Variants in MAGI1 observed in about 807,000 individuals in gnomAD.
The protein encoded by MAGI1 is membrane-associated guanylate kinase, WW and PDZ domain-containing protein 1.
In MAGI1, 58 loss-of-function variants were observed where a neutral mutation model predicts 139.9. That is an observed-to-expected ratio of 0.41 (90% CI 0.34 to 0.52). The LOEUF (loss-of-function observed/expected upper bound fraction) is 0.52. Ranked by LOEUF, MAGI1 falls within the 20% of genes least tolerant of loss-of-function variation. The pLI is 0.12. For missense variants in MAGI1, 1,874 were observed against 1,901.6 expected (o/e 0.99, Z 0.27); for synonymous variants, 812 against 737.9 (o/e 1.10, Z -1.63).
chr3:65,960,075 G>A (rs2064349904), intron 1 of MAGI1, among the ~76,000 whole-genome samples: 1 of 152,078 alleles, frequency 6.6e-6, no homozygotes, highest in East Asian at 1.9e-4. Context: ...CCAAAGAGTT[G>A]AGATTACAGG....
intron 1 of MAGI1, among the ~76,000 whole-genome samples, chr3:65,630,525 T>C (rs2084233895): frequency 6.6e-6 from 1 of 152,128 alleles, no homozygotes; most frequent in Non-Finnish European, 1.5e-5. Context: ...CACCATGGAA[T>C]ACTACTCAGC....
intron 1 of MAGI1, among the ~76,000 whole-genome samples, chr3:65,831,195 C>T (rs1438183295): frequency 6.6e-6 from 1 of 152,210 alleles, no homozygotes; most frequent in Non-Finnish European, 1.5e-5. Context: ...TACTCTGCAA[C>T]TTGCCACTGA....
chr3:65,972,283 A>G (rs1485414739), intron 1 of MAGI1, among the ~76,000 whole-genome samples: 1 of 152,234 alleles, frequency 6.6e-6, no homozygotes, highest in African/African-American at 2.4e-5. Flanking sequence ...TCAAATTGTT[A>G]ACTATTGCGA....
At chr3:65,848,724 C>T (rs2059094971) in intron 1 of MAGI1, among the ~76,000 whole-genome samples, 1 of 152,000 alleles carries the variant, frequency 6.6e-6, no homozygotes, top group Non-Finnish European at 1.5e-5. Flanking sequence ...GAGTTTGAGC[C>T]CAGTCACCTG....
At position 65,912,284 on chromosome 3, in the gene MAGI1, T is replaced by C. The variant is rs566701305; in HGVS notation, c.313+125712A>G. On this transcript the variant is annotated intron_variant, in intron 1 of 22. Transcript: ENST00000402939. ...TGCTTCCTAAATCATACACATCGTGTTCTCGCACTGTAGAATTTCTCTCTA... is the reference window on the plus strand; with the variant it reads ...TGCTTCCTAAATCATACACATCGTGCTCTCGCACTGTAGAATTTCTCTCTA... Among the ~76,000 whole-genome samples the C allele has an allele frequency of 3.3e-5, 5 of 151,128 alleles. No individual in the cohort carries two copies. The East Asian group carries it at 9.7e-4, about 29-fold the overall frequency.
chr3:65,395,925 G>A (rs1051183693), intron 13 of MAGI1, among the ~76,000 whole-genome samples: 1 of 152,036 alleles, frequency 6.6e-6, no homozygotes, highest in Non-Finnish European at 1.5e-5. Context: ...AATGCGGAGA[G>A]GCCAGTCAGG....
chr3:65,614,249 G>A (rs530436569), intron 2 of MAGI1, among the ~76,000 whole-genome samples: 1 of 152,310 alleles, frequency 6.6e-6, no homozygotes, highest in Admixed American at 6.5e-5. Flanking sequence ...GCCTGAAGGT[G>A]CTGGAAGGGC....
At chr3:65,942,758 C>T (rs1364598360) in intron 1 of MAGI1, among the ~76,000 whole-genome samples, 2 of 152,154 alleles carry the variant, frequency 1.3e-5, no homozygotes, top group Admixed American at 6.5e-5. Flanking sequence ...TGGCTCACCC[C>T]TATAATCCCT....
In MAGI1 at chr3:65,493,516, A is replaced by G; in HGVS notation, c.546T>C (p.Tyr182=). The stretch of plus-strand genomic sequence containing the variant: ...GCTGTCGTACAAGTAACTCACCTTC[A>G]TAGGTGCCGACTTCCAGAAGAGTCC... ...QSGTLLEVGT[Y]EGNYYGTPKP... Residue 182 remains tyrosine, a synonymous_variant, in exon 3 of 23, where the codon TAT becomes TAC. Coordinates refer to ENST00000402939, the MANE Select transcript of MAGI1 (RefSeq NM_001033057.2). 1.9e-6 allele frequency: 3 copies of G among 1,614,146 alleles called. No individual in the cohort carries two copies. The highest frequency in any genetic ancestry group is 2.5e-6 in the Non-Finnish European group (3 of 1,180,026).
intron 4 of MAGI1, among the ~76,000 whole-genome samples, chr3:65,474,440 T>C (rs1399910864): frequency 6.6e-6 from 1 of 152,168 alleles, no homozygotes; most frequent in Non-Finnish European, 1.5e-5. Context: ...GTGTAACAGG[T>C]ACACAGTCCT....
chr3:65,800,894 C>T (rs956439495), intron 1 of MAGI1, among the ~76,000 whole-genome samples: 1 of 151,992 alleles, frequency 6.6e-6, no homozygotes, highest in African/African-American at 2.4e-5. Flanking sequence ...TTGTGGTTTT[C>T]GCCATTAAAA....
chr3:65,409,093 G>A (rs147212717), intron 12 of MAGI1, among the ~76,000 whole-genome samples: 1 of 152,332 alleles, frequency 6.6e-6, no homozygotes, highest in African/African-American at 2.4e-5. Flanking sequence ...AAGAGCTGAA[G>A]TATGAGAAGG....
intron 1 of MAGI1, among the ~76,000 whole-genome samples, chr3:65,674,329 C>A (rs1228486624): frequency 1.3e-5 from 2 of 152,154 alleles, no homozygotes; most frequent in Non-Finnish European, 2.9e-5. Context: ...GGTTAAGATT[C>A]TTGCCAAAGC....
At chr3:65,780,916 G>C (rs2038878488) in intron 1 of MAGI1, among the ~76,000 whole-genome samples, 1 of 152,186 alleles carries the variant, frequency 6.6e-6, no homozygotes, top group African/African-American at 2.4e-5. Flanking sequence ...TTTGCATATT[G>C]TATTTTTTAA....
rs528512644 is a variant in MAGI1, at chr3:65,763,758, A to T, written c.314-141670T>A. Among the ~76,000 whole-genome samples, 387 of 152,062 alleles carry T rather than the reference A, an allele frequency of 2.5e-3. 1 individual carries two copies. The highest frequency in any genetic ancestry group is 8.7e-3 in the African/African-American group (361 of 41,526). On this transcript the variant is annotated intron_variant, in intron 1 of 22. Transcript: ENST00000402939. ...CATATCGCACAAGTGCTTTTAAAAA[A>T]AAAAAAGAAATAAATAAAAGAAAAT... is the stretch of plus-strand genomic sequence containing the variant.
In MAGI1 at chr3:65,646,640, G is replaced by A. The variant is rs116433301; in HGVS notation, c.314-24552C>T. On this transcript the variant is annotated intron_variant, in intron 1 of 22. Transcript: ENST00000402939. ...CACAGAACATATACCAAGATTGACC[G>A]TGTTGTGTATGATAAAACAAATCTC... Among the ~76,000 whole-genome samples the A allele has an allele frequency of 4.0e-3, 607 of 152,084 alleles. 6 individuals carry two copies. Among genetic ancestry groups the A allele is most frequent in the African/African-American group, 0.014 (561 of 41,528 alleles).
At chr3:65,804,319 G>C (rs1417561268) in intron 1 of MAGI1, among the ~76,000 whole-genome samples, 1 of 150,938 alleles carries the variant, frequency 6.6e-6, no homozygotes, top group East Asian at 1.9e-4. Context: ...CATTAAGAGA[G>C]GGGAGAGATT....
chr3:65,359,677 C>T lies in MAGI1; in HGVS notation c.3634+1522G>A, dbSNP rs140372811. On this transcript the variant is annotated intron_variant, in intron 22 of 22. Coordinates refer to ENST00000402939, the MANE Select transcript of MAGI1 (RefSeq NM_001033057.2). ...ATCAATGGAATTAGAGAGATTTAGT[C>T]CAAGTGACGCATGGAGACATTACAG... The T allele has an allele frequency of 6.8e-4, 674 of 987,920 alleles. 2 individuals are homozygous for T. In the African/African-American group the frequency reaches 0.011, roughly 16 times the overall value. 61.2% of individuals were successfully genotyped at this position (987,920 alleles called of 1,614,324 possible). A position where few individuals can be genotyped will look rare whatever the true frequency, so the allele number is the denominator to read the frequency against.
chr3:65,769,110 G>C (rs2037740605), intron 1 of MAGI1, among the ~76,000 whole-genome samples: 1 of 152,092 alleles, frequency 6.6e-6, no homozygotes, highest in African/African-American at 2.4e-5. Flanking sequence ...ACTCAATATT[G>C]GCTTTCTTAC....
Sources: gnomAD v4.1 joint callset for allele counts (sites outside exome capture counted in the v4.1 genomes callset) on GRCh38, gnomAD v4.1.1 for gene constraint, MANE v1.5 for transcripts, NCBI Gene and HGNC (gene_info 2026-07-23, HGNC 2026-07-21) for gene names.